ADAMTS6: variants seen among roughly 807,000 people sequenced by gnomAD.
ADAMTS6 encodes the protein A disintegrin and metalloproteinase with thrombospondin motifs 6.
ADAMTS6 carries 23 observed loss-of-function variants against 144.3 expected under a neutral mutation model. The observed-to-expected ratio is 0.16, with a 90% CI of 0.11 to 0.23. The LOEUF is 0.23. Ranked by LOEUF, ADAMTS6 falls within the 10% of genes least tolerant of loss-of-function variation. The pLI is 1.00. For synonymous variants in ADAMTS6, 444 were observed against 457.5 expected, an observed-to-expected ratio of 0.97 and a Z score of 0.38; for missense variants, 999 against 1,379.6, an observed-to-expected ratio of 0.72 and a Z score of 4.37.
At chr5:65,172,753 T>C in intron 23 of ADAMTS6, 79 bp downstream of exon 23, 1 of 1,513,192 alleles carries the variant, frequency 6.6e-7, no homozygotes, top group Non-Finnish European at 8.9e-7. Flanking sequence ...CTCAAGCCCT[T>C]ACAATGATCA....
intron 12 of ADAMTS6, among the ~76,000 whole-genome samples, chr5:65,271,761 T>C (rs1259879648): frequency 6.6e-6 from 1 of 152,166 alleles, no homozygotes; most frequent in African/African-American, 2.4e-5. Context: ...CTCTTTATGG[T>C]TGTGTATTTC....
chr5:65,410,120 G>C (rs1178396543), intron 7 of ADAMTS6, among the ~76,000 whole-genome samples: 1 of 152,128 alleles, frequency 6.6e-6, no homozygotes. Flanking sequence ...TGAGAGCAGA[G>C]AAAATGTGGG....
At chr5:65,448,191 G>A (rs1174485042) in intron 7 of ADAMTS6, among the ~76,000 whole-genome samples, 2 of 151,794 alleles carry the variant, frequency 1.3e-5, no homozygotes, top group Middle Eastern at 3.4e-3. Flanking sequence ...ATTGATATCA[G>A]ATAAAACAAC....
intron 7 of ADAMTS6, among the ~76,000 whole-genome samples, chr5:65,441,082 T>C (rs1757825398): frequency 6.6e-6 from 1 of 152,132 alleles, no homozygotes; most frequent in South Asian, 2.1e-4. Flanking sequence ...ATAATAAAGT[T>C]AGTAGACAAA....
intron 7 of ADAMTS6, among the ~76,000 whole-genome samples, chr5:65,353,884 C>T (rs1320875354): frequency 6.6e-6 from 1 of 151,922 alleles, no homozygotes; most frequent in Non-Finnish European, 1.5e-5. Flanking sequence ...CAAAGCTTCT[C>T]TCTGGAAGAC....
At chr5:65,164,311 C>A (rs907298718) in intron 24 of ADAMTS6, among the ~76,000 whole-genome samples, 1 of 152,078 alleles carries the variant, frequency 6.6e-6, no homozygotes. Flanking sequence ...CCGAATATTG[C>A]GCTTTTCAGA....
intron 21 of ADAMTS6, among the ~76,000 whole-genome samples, chr5:65,188,682 G>C (rs1458911979): frequency 6.6e-6 from 1 of 152,090 alleles, no homozygotes; most frequent in Non-Finnish European, 1.5e-5. Context: ...CCAATTTCAA[G>C]CTACCAGCTT....
chr5:65,252,651 A>T (rs1290340170), intron 14 of ADAMTS6, among the ~76,000 whole-genome samples: 1 of 151,636 alleles, frequency 6.6e-6, no homozygotes, highest in Non-Finnish European at 1.5e-5. Context: ...ATAAGCTAAC[A>T]ACTCTAACCA....
rs538695909 is a variant in ADAMTS6 at position 65,373,876 on chromosome 5, C to A, written c.1074-39791G>T. 1.1e-4 allele frequency among the ~76,000 whole-genome samples: 16 copies of A among 151,898 alleles called. No individual in the cohort carries two copies. The East Asian group carries it at 2.3e-3, about 22-fold the overall frequency. On this transcript the variant is annotated intron_variant, in intron 7 of 24. Transcript: ENST00000381055. ...AATCCTCAATAAAATACTGGCAAAC[C>A]GAATCCAGCAGCACATCAAAAAGCT...
intron 7 of ADAMTS6, among the ~76,000 whole-genome samples, chr5:65,391,825 TC>T (rs1561494175): frequency 6.6e-6 from 1 of 151,716 alleles, no homozygotes; most frequent in Non-Finnish European, 1.5e-5. Context: ...AACATCTGCC[TC>T]CCGGATTCAA....
At position 65,172,873 on chromosome 5, in the gene ADAMTS6, G is replaced by A. The variant is rs780976067; in HGVS notation, c.3046C>T (p.Arg1016Cys). 72 of 1,614,090 alleles carry A rather than the reference G, an allele frequency of 4.5e-5. No homozygotes were observed. The highest frequency in any genetic ancestry group is 5.8e-5 in the Non-Finnish European group (69 of 1,180,048). Residue 1016 changes from arginine to cysteine, a missense_variant, in exon 23 of 25, where the codon CGC (arginine) becomes TGC (cysteine). Physicochemically the swap from Arg to Cys is radical, Grantham distance 180. Coordinates refer to ENST00000381055, the MANE Select transcript of ADAMTS6 (RefSeq NM_197941.4). ...GTGACCCAGCGAGGAGGAGGGCAGC[G>A]GCCCAAACTGCAGCGGATGCGGACA... is the stretch of plus-strand genomic sequence containing the variant. ...PPVRIRCSLG[R>C]CPPPRWVTGD...
chr5:65,334,136 A>G (rs757489030), intron 7 of ADAMTS6, 51 bp from the exon 8 acceptor site: 1 of 1,475,650 alleles, frequency 6.8e-7, no homozygotes, highest in African/African-American at 1.5e-5. Context: ...TTTGTAACAT[A>G]TTTTTCTATA....
chr5:65,176,121 A>G (rs1030290487), intron 22 of ADAMTS6, among the ~76,000 whole-genome samples: 2 of 139,652 alleles, frequency 1.4e-5, no homozygotes, highest in African/African-American at 5.5e-5. Context: ...AAAAAAGGGA[A>G]AAAAAGGGGG....
intron 7 of ADAMTS6, among the ~76,000 whole-genome samples, chr5:65,430,214 G>C (rs1413005166): frequency 1.3e-5 from 2 of 150,550 alleles, no homozygotes; most frequent in African/African-American, 2.4e-5. Context: ...TTGAAGGGCT[G>C]AGATATAAGA....
intron 7 of ADAMTS6, among the ~76,000 whole-genome samples, chr5:65,359,320 C>T (rs1749614388): frequency 6.6e-6 from 1 of 152,102 alleles, no homozygotes; most frequent in Non-Finnish European, 1.5e-5. Context: ...TTCAACATCA[C>T]TAATCATCAG....
rs918523948 is a variant in ADAMTS6, at chr5:65,370,283, G to T, written c.1074-36198C>A. Among the ~76,000 whole-genome samples the T allele has an allele frequency of 2.0e-5, 3 of 152,124 alleles. No homozygotes were observed. The East Asian group carries it at 5.8e-4, about 29-fold the overall frequency. ...ATTAGGGGGAGGAGCCAAGATGGCC[G>T]AATAGAAACAGCTCCGGTCTATAGC... On this transcript the variant is annotated intron_variant, in intron 7 of 24. Transcript: ENST00000381055.
At chr5:65,412,490 A>T (rs957956109) in intron 7 of ADAMTS6, among the ~76,000 whole-genome samples, 1 of 152,104 alleles carries the variant, frequency 6.6e-6, no homozygotes, top group South Asian at 2.1e-4. Context: ...TACCAAAACA[A>T]TGCCCTTTAA....
chr5:65,410,771 A>C (rs1422262546), intron 7 of ADAMTS6, among the ~76,000 whole-genome samples: 1 of 152,070 alleles, frequency 6.6e-6, no homozygotes, highest in Non-Finnish European at 1.5e-5. Flanking sequence ...GAGATCATGC[A>C]GTATTTGTCT....
At chr5:65,444,221 A>G (rs1758091425) in intron 7 of ADAMTS6, among the ~76,000 whole-genome samples, 1 of 152,048 alleles carries the variant, frequency 6.6e-6, no homozygotes, top group African/African-American at 2.4e-5. Flanking sequence ...GTGAAACCCC[A>G]TCTCTACTAA....
Sources: allele counts gnomAD v4.1 joint callset (sites outside exome capture counted in the v4.1 genomes callset), GRCh38; gene constraint gnomAD v4.1.1; transcripts MANE v1.5; gene names NCBI Gene and HGNC (gene_info 2026-07-23, HGNC 2026-07-21).